Variants in SGCD observed in about 807,000 individuals in gnomAD.
SGCD encodes the protein sarcoglycan delta, also known as delta-sarcoglycan.
In SGCD, 18 loss-of-function variants were observed where a neutral mutation model predicts 36.6. The observed-to-expected ratio is 0.49, with a 90% confidence interval of 0.34 to 0.73. The LOEUF (loss-of-function observed/expected upper bound fraction) is 0.73. Ranked by LOEUF, SGCD falls within the 30% of genes least tolerant of loss-of-function variation. The pLI is 0.01. For missense variants in SGCD, 387 were observed against 346.7 expected, an observed-to-expected ratio of 1.12 and a Z score of -0.92; for synonymous variants, 133 against 130.6, an observed-to-expected ratio of 1.02 and a Z score of -0.12.
At chr5:156,499,133 C>A (rs1353513433) in intron 3 of SGCD, among the ~76,000 whole-genome samples, 1 of 152,092 alleles carries the variant, frequency 6.6e-6, no homozygotes, top group Non-Finnish European at 1.5e-5. Context: ...AGTTAGACTG[C>A]CAGGTTCTGT....
intron 1 of SGCD, among the ~76,000 whole-genome samples, chr5:155,972,819 G>A (rs1251013615): frequency 6.6e-6 from 1 of 152,094 alleles, no homozygotes; most frequent in Non-Finnish European, 1.5e-5. Flanking sequence ...TGGATTAACA[G>A]TGATTTCAAG....
chr5:156,470,346 G>A (rs953293294), intron 3 of SGCD, among the ~76,000 whole-genome samples: 1 of 151,882 alleles, frequency 6.6e-6, no homozygotes, highest in Non-Finnish European at 1.5e-5. Context: ...CTGATGTTTT[G>A]AGTTTTTTTT....
chr5:156,156,030 A>C (rs971012119), intron 3 of SGCD, among the ~76,000 whole-genome samples: 7 of 151,714 alleles, frequency 4.6e-5, no homozygotes, highest in African/African-American at 1.5e-4. Context: ...CCGAATGTGC[A>C]TTGATCTTTT....
chr5:156,209,761 C>T (rs1313727153), intron 3 of SGCD, among the ~76,000 whole-genome samples: 5 of 152,198 alleles, frequency 3.3e-5, no homozygotes, highest in Non-Finnish European at 7.3e-5. Context: ...TCTCAGCAGA[C>T]CTTGTCTCAG....
intron 3 of SGCD, among the ~76,000 whole-genome samples, chr5:156,421,269 G>A (rs1272287547): frequency 6.6e-6 from 1 of 152,048 alleles, no homozygotes; most frequent in Non-Finnish European, 1.5e-5. Context: ...AGATTACACA[G>A]TGCATTCAAG....
chr5:156,020,923 TTGAG>T (rs1179894278), intron 1 of SGCD, among the ~76,000 whole-genome samples: 1 of 152,226 alleles, frequency 6.6e-6, no homozygotes, highest in African/African-American at 2.4e-5. Flanking sequence ...GAGATATTTA[TTGAG>T]TGATTATGTC....
At chr5:156,547,016 G>A (rs950371795) in intron 4 of SGCD, among the ~76,000 whole-genome samples, 1 of 152,112 alleles carries the variant, frequency 6.6e-6, no homozygotes, top group South Asian at 2.1e-4. Context: ...ATTTCCATCT[G>A]TACAAATATT....
chr5:156,654,769 G>A (rs1763607948), intron 7 of SGCD, among the ~76,000 whole-genome samples: 1 of 152,036 alleles, frequency 6.6e-6, no homozygotes, highest in Non-Finnish European at 1.5e-5. Context: ...TAATTTTAAA[G>A]TTAAAAAAGA....
chr5:156,415,014 A>G (rs542358792), intron 3 of SGCD, among the ~76,000 whole-genome samples: 47 of 152,334 alleles, frequency 3.1e-4, no homozygotes, highest in African/African-American at 1.1e-3. Context: ...CTTTGGAGGC[A>G]GAAACCAGAA....
chr5:156,343,112 C>CAAAAAA (rs5872457), intron 2 of SGCD, among the ~76,000 whole-genome samples: 1 of 148,484 alleles, frequency 6.7e-6, no homozygotes. Flanking sequence ...ATCTAAAAAC[C>CAAAAAA]AAAAAAAAAA....
At chr5:155,831,928 A>G in the SGCD span, among the ~76,000 whole-genome samples, 2 of 152,200 alleles carry the variant, frequency 1.3e-5, no homozygotes, top group Non-Finnish European at 2.9e-5. Context: ...GTATTTACCA[A>G]AGCCATTAAG....
chr5:155,751,122 TA>T, the SGCD span, among the ~76,000 whole-genome samples: 1 of 152,208 alleles, frequency 6.6e-6, no homozygotes. Context: ...AACTACCAAA[TA>T]TTTTGGTTGA....
At chr5:156,709,196 C>T (rs1754876283) in intron 7 of SGCD, among the ~76,000 whole-genome samples, 1 of 152,146 alleles carries the variant, frequency 6.6e-6, no homozygotes, top group African/African-American at 2.4e-5. Flanking sequence ...ACTCTGATCC[C>T]CTTCAAGGAC....
chr5:155,835,239 C>T, the SGCD span, among the ~76,000 whole-genome samples: 49 of 151,972 alleles, frequency 3.2e-4, no homozygotes, highest in African/African-American at 9.9e-4. Context: ...AACTCCTGGC[C>T]TCAGGTCATC....
chr5:155,990,430 G>A lies in SGCD; in HGVS notation c.-282+120006G>A, dbSNP rs183773118. 1.1e-3 allele frequency among the ~76,000 whole-genome samples: 171 copies of A among 152,082 alleles called. 2 individuals carry two copies. Among genetic ancestry groups the A allele is most frequent in the Admixed American group, 1.9e-3 (29 of 15,258 alleles). The stretch of plus-strand genomic sequence containing the variant: ...GCTTATTCTTCCTCTATCTGTTTTC[G>A]GTAAGGAAAGCACATGCATGATCTT... On this transcript the variant is annotated intron_variant, in intron 1 of 9. Transcript: ENST00000517913.
At chr5:156,668,022 A>C (rs1045396421) in intron 7 of SGCD, among the ~76,000 whole-genome samples, 2 of 152,240 alleles carry the variant, frequency 1.3e-5, no homozygotes, top group East Asian at 3.9e-4. Context: ...ACACAGTTCC[A>C]TAAATCAGAT....
At chr5:156,320,500 T>C (rs1767629305) in intron 3 of SGCD, among the ~76,000 whole-genome samples, 1 of 152,216 alleles carries the variant, frequency 6.6e-6, no homozygotes, top group South Asian at 2.1e-4. Flanking sequence ...TCAGTGTTTT[T>C]CACTGAAAAG....
At position 156,656,322 on chromosome 5, in the gene SGCD, G is replaced by A. The variant is rs777727505; in HGVS notation, c.575+8786G>A. On this transcript the variant is annotated intron_variant, in intron 7 of 8. Coordinates refer to ENST00000337851, the MANE Select transcript of SGCD (RefSeq NM_000337.6). ...AAATGTCACCGCCCAATACAATACC[G>A]TGTGATAATTAATATGGAGATATGA... Among the ~76,000 whole-genome samples the A allele has an allele frequency of 5.9e-4, 90 of 152,030 alleles. 2 individuals carry two copies. Among genetic ancestry groups the A allele is most frequent in the Non-Finnish European group, 2.5e-4 (17 of 67,982 alleles).
chr5:156,215,005 G>A (rs1001113062), intron 3 of SGCD, among the ~76,000 whole-genome samples: 7 of 151,878 alleles, frequency 4.6e-5, no homozygotes, highest in Admixed American at 3.9e-4. Context: ...TACAAGTTGA[G>A]CATCCCAAAT....
Sources: allele counts gnomAD v4.1 joint callset (sites outside exome capture counted in the v4.1 genomes callset), GRCh38; gene constraint gnomAD v4.1.1; transcripts MANE v1.5; gene names NCBI Gene and HGNC (gene_info 2026-07-23, HGNC 2026-07-21).